CTNNA3: variants seen among roughly 807,000 people sequenced by gnomAD.
CTNNA3 encodes the protein catenin alpha 3, also known as catenin alpha-3.
Under a neutral mutation model 95.7 loss-of-function variants are expected in CTNNA3, and 76 were observed. The observed-to-expected ratio is 0.79, with a 90% CI of 0.66 to 0.96. CTNNA3 has a LOEUF of 0.96. CTNNA3 is among the 40% of genes least tolerant of loss of function. CTNNA3 has a pLI of 0.00. For missense variants in CTNNA3, 1,191 were observed against 1,089.8 expected, an observed-to-expected ratio of 1.09 and a Z score of -1.31; for synonymous variants, 431 against 374.4, an observed-to-expected ratio of 1.15 and a Z score of -1.74.
At chr10:66,726,786 A>G (rs1848795365) in intron 9 of CTNNA3, among the ~76,000 whole-genome samples, 1 of 148,778 alleles carries the variant, frequency 6.7e-6, no homozygotes, top group South Asian at 2.1e-4. Context: ...GTAGCCCAGT[A>G]GCCTGTTGGG....
intron 14 of CTNNA3, among the ~76,000 whole-genome samples, chr10:66,102,935 C>A (rs2081704335): frequency 6.6e-6 from 1 of 152,106 alleles, no homozygotes; most frequent in South Asian, 2.1e-4. Flanking sequence ...TGGAGTGATT[C>A]ACTACATGAC....
chr10:67,180,845 TA>T (rs1862503199), intron 6 of CTNNA3, among the ~76,000 whole-genome samples: 1 of 152,188 alleles, frequency 6.6e-6, no homozygotes, highest in Admixed American at 6.6e-5. Flanking sequence ...GCGTGTGTTG[TA>T]AAACTGTTGT....
chr10:66,747,974 A>G (rs1299110671), intron 9 of CTNNA3, among the ~76,000 whole-genome samples: 1 of 152,132 alleles, frequency 6.6e-6, no homozygotes, highest in African/African-American at 2.4e-5. Context: ...CATACTGACA[A>G]GAGTCCAGAC....
At chr10:66,913,238 CAAAAA>C (rs1161880781) in intron 7 of CTNNA3, among the ~76,000 whole-genome samples, 1 of 33,530 alleles carries the variant, frequency 3.0e-5, no homozygotes, top group Non-Finnish European at 5.0e-5. Flanking sequence ...GACTCCGTCT[CAAAAA>C]AAAAAAAAAA....
rs371448186 is a variant in CTNNA3 at position 67,147,805 on chromosome 10, T to C, written c.1047+32512A>G. ...ATTACAAAAATGTGAAAAAAATGTG[T>C]AAACATTACTTTCATAGCAGTTTGC... On this transcript the variant is annotated intron_variant, in intron 7 of 17. Transcript: ENST00000433211. 5.9e-5 allele frequency among the ~76,000 whole-genome samples: 9 copies of C among 152,306 alleles called. No individual in the cohort carries two copies. The East Asian group carries it at 9.6e-4, about 16-fold the overall frequency.
intron 7 of CTNNA3, among the ~76,000 whole-genome samples, chr10:67,016,501 T>A (rs1472123822): frequency 6.6e-6 from 1 of 152,164 alleles, no homozygotes; most frequent in Admixed American, 6.5e-5. Context: ...TGGTAGAGAA[T>A]AGAACGAGGT....
In CTNNA3 at chr10:66,296,226, G is replaced by A. The variant is rs373363213; in HGVS notation, c.1733-15605C>T. Among the ~76,000 whole-genome samples the A allele has an allele frequency of 3.9e-4, 59 of 152,158 alleles. No individual in the cohort carries two copies. The South Asian group carries it at 0.012, about 31-fold the overall frequency. On this transcript the variant is annotated intron_variant, in intron 12 of 17. Transcript: ENST00000433211. ...AGATTTTTAAAGATTTATAGGAAGA[G>A]GCAAGTAGATGAAATTGCCCTGTCA... is the stretch of plus-strand genomic sequence containing the variant.
chr10:66,401,459 G>C (rs952032740), intron 11 of CTNNA3, among the ~76,000 whole-genome samples: 29 of 151,484 alleles, frequency 1.9e-4, no homozygotes, highest in Non-Finnish European at 3.4e-4. Flanking sequence ...GGAGGTTGCT[G>C]TGAGCCAAGA....
intron 16 of CTNNA3, among the ~76,000 whole-genome samples, chr10:65,982,754 A>C (rs73306083): frequency 0.048 from 7,110 of 149,126 alleles, 226 homozygotes; most frequent in Middle Eastern, 0.094. Flanking sequence ...CTGCTCCCCA[A>C]AAACCTCTTG....
intron 10 of CTNNA3, among the ~76,000 whole-genome samples, chr10:66,587,630 G>A (rs150271945): frequency 9.5e-4 from 144 of 152,256 alleles, no homozygotes; most frequent in Middle Eastern, 3.4e-3. Context: ...GAGTAGCACA[G>A]CTGCCTCTGT....
chr10:66,260,165 A>G (rs1225795655), intron 13 of CTNNA3, among the ~76,000 whole-genome samples: 1 of 152,120 alleles, frequency 6.6e-6, no homozygotes, highest in Non-Finnish European at 1.5e-5. Flanking sequence ...TCTCCTTACT[A>G]TTATCTCATT....
intron 5 of CTNNA3, among the ~76,000 whole-genome samples, chr10:67,436,774 T>C (rs1846317051): frequency 6.6e-6 from 1 of 152,072 alleles, no homozygotes; most frequent in Non-Finnish European, 1.5e-5. Context: ...CACAAGGCAA[T>C]ACCATCTTAC....
chr10:66,370,058 T>C (rs1175744776), intron 12 of CTNNA3, among the ~76,000 whole-genome samples: 2 of 152,082 alleles, frequency 1.3e-5, no homozygotes, highest in Admixed American at 6.6e-5. Context: ...GGAAATGCAA[T>C]CTGATTTACA....
intron 11 of CTNNA3, among the ~76,000 whole-genome samples, chr10:66,501,467 T>G: frequency 6.6e-6 from 1 of 152,160 alleles, no homozygotes; most frequent in East Asian, 1.9e-4. Context: ...ATAGATCTCT[T>G]GTGAATAAGT....
intron 15 of CTNNA3, among the ~76,000 whole-genome samples, chr10:65,989,399 A>G (rs762201324): frequency 9.9e-5 from 15 of 152,046 alleles, no homozygotes; most frequent in South Asian, 2.1e-4. Flanking sequence ...TTATAGTAAA[A>G]CTCAGCCTAG....
intron 1 of CTNNA3, among the ~76,000 whole-genome samples, chr10:67,713,231 G>C (rs1235486054): frequency 1.3e-5 from 2 of 152,258 alleles, no homozygotes; most frequent in African/African-American, 4.8e-5. Flanking sequence ...AAACCACGAT[G>C]AGATAACATC....
At chr10:66,561,035 A>T (rs1317172796) in intron 10 of CTNNA3, among the ~76,000 whole-genome samples, 1 of 152,088 alleles carries the variant, frequency 6.6e-6, no homozygotes, top group East Asian at 1.9e-4. Context: ...GCCTAAGGTA[A>T]TTTGTTACAA....
At chr10:67,482,299 G>C (rs1413004083) in intron 5 of CTNNA3, among the ~76,000 whole-genome samples, 14 of 152,250 alleles carry the variant, frequency 9.2e-5, no homozygotes, top group African/African-American at 3.4e-4. Context: ...GTCATTGGTA[G>C]CTTGATGGGG....
chr10:67,433,397 A>G (rs1589285013), intron 5 of CTNNA3, among the ~76,000 whole-genome samples: 1 of 152,088 alleles, frequency 6.6e-6, no homozygotes, highest in African/African-American at 2.4e-5. Context: ...AAATGTAATA[A>G]TAATGAAAAA....
Sources: gnomAD v4.1 joint callset for allele counts (sites outside exome capture counted in the v4.1 genomes callset) on GRCh38, gnomAD v4.1.1 for gene constraint, MANE v1.5 for transcripts, NCBI Gene and HGNC (gene_info 2026-07-23, HGNC 2026-07-21) for gene names.